The following TOX2 variants were observed in gnomAD, a reference collection of about 807,000 sequenced individuals.
TOX2 encodes TOX high mobility group box family member 2.
TOX2 carries 15 observed loss-of-function variants against 47.4 expected under a neutral mutation model. That is an observed-to-expected ratio of 0.32 (90% CI 0.21 to 0.49). The LOEUF is 0.49. Ranked by LOEUF, TOX2 falls within the 20% of genes least tolerant of loss-of-function variation. TOX2 has a pLI of 0.99. For missense variants in TOX2, 622 were observed against 673.1 expected (o/e 0.92, Z 0.84); for synonymous variants, 290 against 296.6 (o/e 0.98, Z 0.23).
At chr20:44,030,487 G>T (rs774065541) in intron 3 of TOX2, among the ~76,000 whole-genome samples, 17 of 152,152 alleles carry the variant, frequency 1.1e-4, no homozygotes, top group African/African-American at 2.2e-4. Flanking sequence ...CACCCAGCCT[G>T]GCCCCTGCCT....
At chr20:44,046,440 C>T (rs1040159324) in intron 3 of TOX2, among the ~76,000 whole-genome samples, 2 of 152,204 alleles carry the variant, frequency 1.3e-5, no homozygotes, top group African/African-American at 2.4e-5. Context: ...CTATATGATA[C>T]GGCAATTGGA....
intron 1 of TOX2, among the ~76,000 whole-genome samples, chr20:43,935,692 G>A (rs1364548166): frequency 2.6e-5 from 4 of 151,928 alleles, no homozygotes; most frequent in Non-Finnish European, 5.9e-5. Context: ...TTGGGAGGCC[G>A]AGGTGGGTGG....
At chr20:43,944,556 TCTCC>T (rs2069441136) in intron 1 of TOX2, among the ~76,000 whole-genome samples, 1 of 151,816 alleles carries the variant, frequency 6.6e-6, no homozygotes, top group Admixed American at 6.6e-5. Flanking sequence ...CCTTCCAGCC[TCTCC>T]CTCCTCCTGC....
chr20:44,025,771 T>C (rs2071051857), intron 3 of TOX2, among the ~76,000 whole-genome samples: 1 of 151,704 alleles, frequency 6.6e-6, no homozygotes, highest in African/African-American at 2.4e-5. Context: ...GCAGGGACCT[T>C]GGGGCTGGAA....
chr20:43,972,189 G>T (rs562794637), intron 1 of TOX2, among the ~76,000 whole-genome samples: 83 of 152,274 alleles, frequency 5.5e-4, no homozygotes, highest in African/African-American at 2.0e-3. Flanking sequence ...GGGCCACCTT[G>T]CTCAGAAGGT....
chr20:43,972,158 G>A (rs1271081017), intron 1 of TOX2, among the ~76,000 whole-genome samples: 2 of 152,186 alleles, frequency 1.3e-5, no homozygotes, highest in Non-Finnish European at 2.9e-5. Context: ...GTTCTCTGAA[G>A]ACTTGTGCTT....
intron 3 of TOX2, among the ~76,000 whole-genome samples, chr20:44,023,912 C>T (rs1244145502): frequency 2.0e-5 from 3 of 152,236 alleles, no homozygotes; most frequent in Admixed American, 1.3e-4. Flanking sequence ...TTGGGGCTGC[C>T]ACCAGCACTC....
At chr20:43,993,518 G>A (rs918488402) in intron 2 of TOX2, among the ~76,000 whole-genome samples, 3 of 152,124 alleles carry the variant, frequency 2.0e-5, no homozygotes, top group East Asian at 1.9e-4. Context: ...TTGAGCCACC[G>A]GTAGAGGAAT....
intron 5 of TOX2, among the ~76,000 whole-genome samples, chr20:44,056,348 G>A (rs1001031525): frequency 6.6e-6 from 1 of 152,220 alleles, no homozygotes; most frequent in African/African-American, 2.4e-5. Context: ...TTTTGCTATA[G>A]GGACGTCTGT....
At chr20:43,924,927 G>A (rs2069148748) in intron 1 of TOX2, among the ~76,000 whole-genome samples, 1 of 152,196 alleles carries the variant, frequency 6.6e-6, no homozygotes, top group Non-Finnish European at 1.5e-5. Context: ...AGTGGAGGGT[G>A]TACTTCCCAT....
intron 1 of TOX2, among the ~76,000 whole-genome samples, chr20:43,921,723 A>G (rs2069114685): frequency 6.6e-6 from 1 of 151,878 alleles, no homozygotes; most frequent in South Asian, 2.1e-4. Flanking sequence ...CAGTGGTACA[A>G]TCATAGCTCA....
At chr20:44,055,632 T>C (rs2103699) in intron 5 of TOX2, among the ~76,000 whole-genome samples, 121,885 of 152,088 alleles carry the variant, frequency 0.8, 49,137 homozygotes, top group African/African-American at 0.88. Flanking sequence ...GAGTTTTATG[T>C]AGAGGAGAGA....
intron 2 of TOX2, among the ~76,000 whole-genome samples, chr20:43,985,502 C>G (rs1373760594): frequency 4.6e-5 from 7 of 152,120 alleles, no homozygotes; most frequent in Non-Finnish European, 1.0e-4. Context: ...ACAAGTTAAC[C>G]AAGTTTTCTG....
At chr20:44,044,315 T>C (rs1008421718) in intron 3 of TOX2, among the ~76,000 whole-genome samples, 6 of 151,704 alleles carry the variant, frequency 4.0e-5, no homozygotes, top group Admixed American at 2.6e-4. Flanking sequence ...TGAGGAGATA[T>C]ACCTAATGTA....
intron 1 of TOX2, among the ~76,000 whole-genome samples, chr20:43,958,948 T>C (rs903168862): frequency 2.0e-5 from 3 of 152,230 alleles, no homozygotes; most frequent in Non-Finnish European, 4.4e-5. Context: ...CATTGGCACA[T>C]GCCATGCCTT....
intron 1 of TOX2, among the ~76,000 whole-genome samples, chr20:43,969,325 C>A (rs951370657): frequency 6.6e-6 from 1 of 152,168 alleles, no homozygotes; most frequent in Non-Finnish European, 1.5e-5. Context: ...ACATCATATA[C>A]CTTTGTGTTC....
intron 5 of TOX2, among the ~76,000 whole-genome samples, chr20:44,057,088 C>CT (rs1365767099): frequency 7.9e-5 from 12 of 151,882 alleles, no homozygotes; most frequent in East Asian, 1.9e-4. Flanking sequence ...AAAATTTTTT[C>CT]TTTTTTTTGG....
rs568096758 is a variant in TOX2 at position 44,055,061 on chromosome 20, G to C, written c.879+535G>C. Among the ~76,000 whole-genome samples, 31 of 152,336 alleles carry C rather than the reference G, an allele frequency of 2.0e-4. No individual in the cohort carries two copies. In the South Asian group the frequency reaches 2.9e-3, roughly 14 times the overall value. On this transcript the variant is annotated intron_variant, in intron 5 of 8. Coordinates refer to ENST00000341197, the MANE Select transcript of TOX2 (RefSeq NM_001098797.2). The stretch of plus-strand genomic sequence containing the variant: ...TTCTCTGAGCTCACATCTGGGCTGG[G>C]CTTTCCCCCCGGTATGTCACTGAAT...
intron 8 of TOX2, among the ~76,000 whole-genome samples, chr20:44,067,183 A>T (rs773322367): frequency 2.0e-5 from 3 of 151,242 alleles, no homozygotes; most frequent in Admixed American, 1.3e-4. Flanking sequence ...CTAGAAGCAG[A>T]GCCTGAGGCA....
Sources: allele counts gnomAD v4.1 joint callset (sites outside exome capture counted in the v4.1 genomes callset), GRCh38; gene constraint gnomAD v4.1.1; transcripts MANE v1.5; gene names NCBI Gene and HGNC (gene_info 2026-07-23, HGNC 2026-07-21).